CSMD3: variants seen among roughly 807,000 people sequenced by gnomAD.
CSMD3 encodes the protein CUB and Sushi multiple domains 3.
Under a neutral mutation model 435.2 loss-of-function variants are expected in CSMD3, and 177 were observed. The ratio of observed to expected loss-of-function variants is 0.41; its 90% CI spans 0.36 to 0.46. The LOEUF is 0.46. CSMD3 is among the 20% of genes least tolerant of loss of function. The pLI, the probability that CSMD3 is intolerant of heterozygous loss-of-function variation, is 0.34. For missense variants in CSMD3, 4,265 were observed against 4,504.6 expected (o/e 0.95, Z 1.52); for synonymous variants, 1,656 against 1,520.5 (o/e 1.09, Z -2.07).
chr8:113,228,715 AAG>A (rs1389258987), intron 3 of CSMD3, among the ~76,000 whole-genome samples: 2 of 151,514 alleles, frequency 1.3e-5, no homozygotes, highest in Non-Finnish European at 3.0e-5. Context: ...AGGATAGCGA[AAG>A]AGTGTGAAAA....
At chr8:112,310,759 A>T (rs997811027) in intron 50 of CSMD3, 2 of 635,868 alleles carry the variant, frequency 3.1e-6, no homozygotes, top group Non-Finnish European at 5.7e-6. Flanking sequence ...AAGTCAAGGC[A>T]TATAAGTTGC....
rs951393741 is a variant in CSMD3, at chr8:112,306,211, A to C, written c.7886-19T>G. ...GAAATTGCTAGAAAAACATACACAC[A>C]AGCAAAATCGTATAAACAGAAAAAT... On this transcript the variant is annotated intron_variant, in intron 50 of 70. Coordinates refer to ENST00000297405, the MANE Select transcript of CSMD3 (RefSeq NM_198123.2). 6.3e-7 allele frequency: 1 copy of C among 1,599,956 alleles called. No individual in the cohort carries two copies. Among genetic ancestry groups the C allele is most frequent in the Non-Finnish European group, 8.6e-7 (1 of 1,168,522 alleles).
intron 5 of CSMD3, among the ~76,000 whole-genome samples, chr8:113,061,596 G>C (rs1307135857): frequency 6.6e-6 from 1 of 152,008 alleles, no homozygotes; most frequent in African/African-American, 2.4e-5. Context: ...ATAGACTTTT[G>C]TCATTAAACT....
intron 5 of CSMD3, among the ~76,000 whole-genome samples, chr8:113,031,916 G>A (rs1397275165): frequency 4.0e-5 from 6 of 151,486 alleles, no homozygotes; most frequent in Admixed American, 3.3e-4. Context: ...GATAGTGAGG[G>A]AGTTCTCATG....
intron 2 of CSMD3, among the ~76,000 whole-genome samples, chr8:113,298,645 G>A (rs1489594830): frequency 1.3e-5 from 2 of 152,052 alleles, no homozygotes; most frequent in East Asian, 3.9e-4. Context: ...AATAACAGAG[G>A]AAGGTTTGTT....
At chr8:112,907,322 C>T (rs1044433079) in intron 10 of CSMD3, among the ~76,000 whole-genome samples, 12 of 151,404 alleles carry the variant, frequency 7.9e-5, no homozygotes, top group Admixed American at 3.3e-4. Context: ...TCATCATATT[C>T]GTAGTTTGTA....
intron 5 of CSMD3, among the ~76,000 whole-genome samples, chr8:113,025,144 T>C (rs560414832): frequency 4.6e-5 from 7 of 152,222 alleles, no homozygotes; most frequent in Non-Finnish European, 8.8e-5. Context: ...TGAAGTCTTT[T>C]GTGTTCCTTT....
chr8:113,265,643 C>T (rs113392617), intron 3 of CSMD3, among the ~76,000 whole-genome samples: 353 of 151,318 alleles, frequency 2.3e-3, no homozygotes, highest in African/African-American at 8.1e-3. Flanking sequence ...TATATCTAGC[C>T]GAATCTGAAT....
intron 61 of CSMD3, among the ~76,000 whole-genome samples, chr8:112,257,861 C>A (rs1471245199): frequency 6.6e-6 from 1 of 152,074 alleles, no homozygotes. Flanking sequence ...GGAGGCATCA[C>A]GCTACCTGAC....
intron 3 of CSMD3, among the ~76,000 whole-genome samples, chr8:113,253,491 T>C (rs1325684946): frequency 6.6e-6 from 1 of 151,856 alleles, no homozygotes; most frequent in East Asian, 1.9e-4. Context: ...TCTTTCTGAA[T>C]TCTGCCAATT....
Position 112,314,633 on chromosome 8 carries a change from G to A in CSMD3, c.7361-16C>T, listed in dbSNP as rs1822294055. ...GGACAGAGCACTGTCAAAGAAAAAT[G>A]TCATTAAATAATGCCAGTCTTTTAG... is the stretch of plus-strand genomic sequence containing the variant. On this transcript the variant is annotated splice_polypyrimidine_tract_variant and intron_variant, in intron 47 of 70. Coordinates refer to ENST00000297405, the MANE Select transcript of CSMD3 (RefSeq NM_198123.2). 1.3e-6 allele frequency: 2 copies of A among 1,590,882 alleles called. No homozygotes were observed. Among genetic ancestry groups the A allele is most frequent in the Admixed American group, 1.7e-5 (1 of 59,874 alleles).
chr8:113,381,874 G>C (rs1256366223), intron 1 of CSMD3, among the ~76,000 whole-genome samples: 1 of 151,892 alleles, frequency 6.6e-6, no homozygotes, highest in African/African-American at 2.4e-5. Context: ...TTTTAGTTTT[G>C]CCCATTCACA....
At chr8:113,391,571 T>A (rs1388960918) in intron 1 of CSMD3, among the ~76,000 whole-genome samples, 2 of 152,058 alleles carry the variant, frequency 1.3e-5, no homozygotes, top group African/African-American at 4.8e-5. Flanking sequence ...TAAATAGATC[T>A]CTTGATTAAA....
intron 4 of CSMD3, among the ~76,000 whole-genome samples, chr8:113,162,095 C>A (rs1232392224): frequency 6.6e-6 from 1 of 151,888 alleles, no homozygotes; most frequent in African/African-American, 2.4e-5. Flanking sequence ...TAAAGTGGAG[C>A]AGAAGGACAC....
At chr8:113,141,277 A>G (rs1374251271) in intron 4 of CSMD3, among the ~76,000 whole-genome samples, 1 of 150,878 alleles carries the variant, frequency 6.6e-6, no homozygotes, top group Non-Finnish European at 1.5e-5. Flanking sequence ...ATTATACATA[A>G]TATCTTCCAA....
At chr8:113,046,671 C>T (rs986878796) in intron 5 of CSMD3, among the ~76,000 whole-genome samples, 2 of 152,134 alleles carry the variant, frequency 1.3e-5, no homozygotes, top group African/African-American at 4.8e-5. Context: ...TTGAGGAGGC[C>T]GGCGTCAAAG....
intron 13 of CSMD3, among the ~76,000 whole-genome samples, chr8:112,782,978 T>A (rs2132253139): frequency 6.6e-6 from 1 of 152,052 alleles, no homozygotes; most frequent in East Asian, 1.9e-4. Flanking sequence ...AAAATGTTAA[T>A]AAGTGATAAG....
chr8:112,895,921 G>T (rs2081937872), intron 10 of CSMD3, among the ~76,000 whole-genome samples: 1 of 151,210 alleles, frequency 6.6e-6, no homozygotes, highest in Non-Finnish European at 1.5e-5. Flanking sequence ...AGTAGGTTTT[G>T]TTTGTTTGTT....
At chr8:112,914,017 C>T (rs926112397) in intron 10 of CSMD3, among the ~76,000 whole-genome samples, 5 of 151,740 alleles carry the variant, frequency 3.3e-5, no homozygotes, top group Non-Finnish European at 5.9e-5. Context: ...TTCATCTTTT[C>T]CCTCCCCTTA....
Sources: allele counts gnomAD v4.1 joint callset (sites outside exome capture counted in the v4.1 genomes callset), GRCh38; gene constraint gnomAD v4.1.1; transcripts MANE v1.5; gene names NCBI Gene and HGNC (gene_info 2026-07-23, HGNC 2026-07-21).